Variants in DEPDC1B observed in about 807,000 individuals in gnomAD.
DEPDC1B encodes DEP domain containing 1B.
Under a neutral mutation model 66.5 loss-of-function variants are expected in DEPDC1B, and 51 were observed. The observed-to-expected ratio is 0.77, with a 90% CI of 0.61 to 0.97. The LOEUF (loss-of-function observed/expected upper bound fraction) is 0.97, where lower values mean the gene tolerates loss of function less well. DEPDC1B is among the 50% of genes least tolerant of loss of function. DEPDC1B has a pLI of 0.00. For synonymous variants in DEPDC1B, 226 were observed against 223.6 expected, an observed-to-expected ratio of 1.01 and a Z score of -0.10; for missense variants, 552 against 637.1, an observed-to-expected ratio of 0.87 and a Z score of 1.44.
chr5:60,689,192 G>A, intron 1 of DEPDC1B: 1 of 382,392 alleles, frequency 2.6e-6, no homozygotes, highest in Non-Finnish European at 5.2e-6. Flanking sequence ...ATGCCACTAG[G>A]CGGCAGGTGA....
chr5:60,618,458 C>G (rs1441642775), intron 7 of DEPDC1B, among the ~76,000 whole-genome samples: 2 of 152,152 alleles, frequency 1.3e-5, no homozygotes, highest in Non-Finnish European at 2.9e-5. Flanking sequence ...AAGGGGATAT[C>G]ACCACCTATC....
At chr5:60,658,200 G>C (rs571379021) in intron 2 of DEPDC1B, among the ~76,000 whole-genome samples, 8 of 152,214 alleles carry the variant, frequency 5.3e-5, no homozygotes, top group Non-Finnish European at 8.8e-5. Flanking sequence ...TCCATATCCT[G>C]TATCATTTTT....
At chr5:60,682,761 AG>A (rs1754325447) in intron 2 of DEPDC1B, among the ~76,000 whole-genome samples, 3 of 152,198 alleles carry the variant, frequency 2.0e-5, no homozygotes, top group African/African-American at 7.2e-5. Context: ...AATCTGTAAT[AG>A]ATCAATAACA....
chr5:60,667,713 T>TGGATATTTTACATATATATAAAAAAC (rs1753890528), intron 2 of DEPDC1B, among the ~76,000 whole-genome samples: 1 of 134,686 alleles, frequency 7.4e-6, no homozygotes, highest in Non-Finnish European at 1.5e-5. Flanking sequence ...GTATATAAAA[T>TGGATATTTTACATATATATAAAAAAC]GGATATTTTA....
intron 7 of DEPDC1B, among the ~76,000 whole-genome samples, chr5:60,618,930 C>A (rs189035560): frequency 6.6e-6 from 1 of 152,294 alleles, no homozygotes; most frequent in African/African-American, 2.4e-5. Flanking sequence ...CATCAAAAAG[C>A]TGATCCACCA....
intron 2 of DEPDC1B, among the ~76,000 whole-genome samples, chr5:60,657,775 T>A (rs996254234): frequency 4.6e-5 from 7 of 152,226 alleles, no homozygotes; most frequent in African/African-American, 1.7e-4. Flanking sequence ...GCCTAGGTGA[T>A]TACCTTTTTG....
intron 9 of DEPDC1B, among the ~76,000 whole-genome samples, chr5:60,602,868 T>C (rs994527836): frequency 6.6e-6 from 1 of 152,228 alleles, no homozygotes; most frequent in Non-Finnish European, 1.5e-5. Flanking sequence ...TGGCCAGGGA[T>C]TCATGGCTCT....
intron 2 of DEPDC1B, among the ~76,000 whole-genome samples, chr5:60,674,415 G>A (rs1310671801): frequency 6.6e-6 from 1 of 152,118 alleles, no homozygotes; most frequent in African/African-American, 2.4e-5. Context: ...TGCAAAGATG[G>A]CAGTGATAAC....
intron 7 of DEPDC1B, among the ~76,000 whole-genome samples, chr5:60,615,929 T>C (rs762746377): frequency 2.0e-5 from 3 of 152,156 alleles, no homozygotes; most frequent in Admixed American, 6.5e-5. Flanking sequence ...GGCCGGGTAC[T>C]CCTCTGAGAA....
intron 2 of DEPDC1B, among the ~76,000 whole-genome samples, chr5:60,676,766 C>T (rs1048341502): frequency 5.9e-5 from 9 of 152,148 alleles, no homozygotes; most frequent in Admixed American, 3.3e-4. Context: ...TCCTCCCCAT[C>T]CCCCTCCCGT....
At chr5:60,661,440 C>G (rs1291767121) in intron 2 of DEPDC1B, among the ~76,000 whole-genome samples, 1 of 152,140 alleles carries the variant, frequency 6.6e-6, no homozygotes, top group South Asian at 2.1e-4. Context: ...CCTGGCATCC[C>G]TATGTACTTT....
At chr5:60,671,170 G>A (rs372830183) in intron 2 of DEPDC1B, among the ~76,000 whole-genome samples, 56 of 152,308 alleles carry the variant, frequency 3.7e-4, no homozygotes, top group African/African-American at 1.3e-3. Context: ...ACAGTAAGGG[G>A]ATTGAGGATG....
chr5:60,669,006 A>G (rs1469597388), intron 2 of DEPDC1B, among the ~76,000 whole-genome samples: 1 of 152,246 alleles, frequency 6.6e-6, no homozygotes, highest in East Asian at 1.9e-4. Flanking sequence ...ACACATTTGT[A>G]CACTGAAGAA....
chr5:60,616,436 G>C (rs1301390570), intron 7 of DEPDC1B, among the ~76,000 whole-genome samples: 6 of 152,092 alleles, frequency 3.9e-5, no homozygotes, highest in Non-Finnish European at 5.9e-5. Flanking sequence ...CCAATGCAGA[G>C]AAGTCCTTAA....
At chr5:60,667,411 A>T (rs1167231681) in intron 2 of DEPDC1B, among the ~76,000 whole-genome samples, 1 of 31,308 alleles carries the variant, frequency 3.2e-5, no homozygotes. Context: ...ACATATATAC[A>T]AAAAATGGAT....
chr5:60,641,605 C>T (rs922262346), intron 6 of DEPDC1B, among the ~76,000 whole-genome samples: 1 of 152,094 alleles, frequency 6.6e-6, no homozygotes, highest in East Asian at 1.9e-4. Flanking sequence ...GGATTACAGG[C>T]GTGAGCCACC....
chr5:60,684,981 C>T lies in DEPDC1B; in HGVS notation c.314+1981G>A, dbSNP rs147725835. On this transcript the variant is annotated intron_variant, in intron 2 of 10. Coordinates refer to ENST00000265036, the MANE Select transcript of DEPDC1B (RefSeq NM_018369.3). Reference sequence around the variant, plus strand: ...ATAAGTATGTCAAAAAAATGCTCAACATCACTAATCATGAGGGTAATGCAA... The same window carrying T: ...ATAAGTATGTCAAAAAAATGCTCAATATCACTAATCATGAGGGTAATGCAA... Among the ~76,000 whole-genome samples the T allele has an allele frequency of 2.3e-3, 353 of 152,242 alleles. 4 individuals are homozygous for T. Among genetic ancestry groups the T allele is most frequent in the Non-Finnish European group, 9.8e-4 (67 of 68,028 alleles).
chr5:60,606,840 G>C (rs1177606858), intron 7 of DEPDC1B, among the ~76,000 whole-genome samples: 1 of 151,346 alleles, frequency 6.6e-6, no homozygotes, highest in Non-Finnish European at 1.5e-5. Context: ...ATTTGTCCCT[G>C]GACATACTTA....
rs1754750525 is a variant in DEPDC1B at position 60,700,025 on chromosome 5, G to C, written c.48+21C>G. On this transcript the variant is annotated intron_variant, in intron 1 of 10. Transcript: ENST00000265036. ...CTCGCGGCACCGGGTGCTCCGCCCA[G>C]GCCCCAGCACACTCACTCACCAGCC... is the stretch of plus-strand genomic sequence containing the variant. 5 of 1,550,346 alleles carry C rather than the reference G, an allele frequency of 3.2e-6. No homozygotes were observed. The South Asian group carries it at 5.9e-5, about 18-fold the overall frequency.
Sources: allele counts gnomAD v4.1 joint callset (sites outside exome capture counted in the v4.1 genomes callset), GRCh38; gene constraint gnomAD v4.1.1; transcripts MANE v1.5; gene names NCBI Gene and HGNC (gene_info 2026-07-23, HGNC 2026-07-21).